Variants in SRGAP1 observed in about 807,000 individuals in gnomAD.
SRGAP1 encodes the protein SLIT-ROBO Rho GTPase-activating protein 1.
A neutral mutation model predicts 121.9 loss-of-function variants in SRGAP1; 43 were observed. The ratio of observed to expected loss-of-function variants is 0.35; its 90% CI spans 0.28 to 0.46. SRGAP1 has a LOEUF of 0.46. Among genes scored for constraint, SRGAP1 ranks in the 20% least tolerant of loss-of-function variants. The pLI is 1.00. For synonymous variants in SRGAP1, 447 were observed against 485.4 expected (o/e 0.92, Z 1.04); for missense variants, 1,102 against 1,350.9 (o/e 0.82, Z 2.89).
At chr12:63,958,969 A>T (rs1010756883) in intron 1 of SRGAP1, among the ~76,000 whole-genome samples, 8 of 152,170 alleles carry the variant, frequency 5.3e-5, no homozygotes, top group African/African-American at 1.9e-4. Context: ...TGCTCCAGGG[A>T]GGTAATACAA....
chr12:63,998,405 C>T (rs1050215430), intron 3 of SRGAP1, among the ~76,000 whole-genome samples: 19 of 152,110 alleles, frequency 1.2e-4, no homozygotes, highest in African/African-American at 4.3e-4. Flanking sequence ...CAGAGTGGGT[C>T]CTAGTAGTAA....
chr12:63,845,208 T>C (rs1898863118), intron 1 of SRGAP1, among the ~76,000 whole-genome samples: 1 of 152,212 alleles, frequency 6.6e-6, no homozygotes, highest in Non-Finnish European at 1.5e-5. Flanking sequence ...GAGGATCCTG[T>C]CCAGCTATTA....
chr12:64,145,921 T>C lies in SRGAP1; in HGVS notation c.*3249T>C, dbSNP rs1478873847. On this transcript the variant is annotated 3_prime_UTR_variant, in exon 22 of 22. Coordinates refer to ENST00000355086, the MANE Select transcript of SRGAP1 (RefSeq NM_020762.4). ...GAGCTTTTTGATGGTGGGTAAATAATGGCTCTACAAAGATTACCTGACTCC... is the reference window on the plus strand; with the variant it reads ...GAGCTTTTTGATGGTGGGTAAATAACGGCTCTACAAAGATTACCTGACTCC... The C allele has an allele frequency of 6.6e-6, 1 of 152,186 alleles. No homozygotes were observed. The highest frequency in any genetic ancestry group is 1.5e-5 in the Non-Finnish European group (1 of 68,046). The allele number at this position is 152,186 out of a possible 1,614,324, so 9.4% of individuals were successfully genotyped here. A position where few individuals can be genotyped will look rare whatever the true frequency, so the allele number is the denominator to read the frequency against.
intron 1 of SRGAP1, among the ~76,000 whole-genome samples, chr12:63,963,140 C>T (rs1337768255): frequency 6.6e-6 from 1 of 151,986 alleles, no homozygotes; most frequent in Non-Finnish European, 1.5e-5. Flanking sequence ...TGAATATGTT[C>T]AACAACAGCC....
chr12:64,079,221 A>T, intron 9 of SRGAP1, 105 bp downstream of exon 9: 1 of 1,217,220 alleles, frequency 8.2e-7, no homozygotes, highest in South Asian at 1.4e-5. Context: ...TTTTGTTAAA[A>T]TAGACTCCTG....
In SRGAP1 at chr12:64,153,837, G is replaced by A. The variant is rs188337579; in HGVS notation, c.*11165G>A. The A allele has an allele frequency of 6.6e-6, 1 of 152,348 alleles. No individual in the cohort carries two copies. Among genetic ancestry groups the A allele is most frequent in the East Asian group, 1.9e-4 (1 of 5,184 alleles). The allele number at this position is 152,348 out of a possible 1,614,324, so 9.4% of individuals were successfully genotyped here. A position where few individuals can be genotyped will look rare whatever the true frequency, so the allele number is the denominator to read the frequency against. On this transcript the variant is annotated 3_prime_UTR_variant, in exon 22 of 22. Coordinates refer to ENST00000355086, the MANE Select transcript of SRGAP1 (RefSeq NM_020762.4). ...ATCCAAAAGAATTGAAAACAGAAGA[G>A]ATATTTGCACACTCATGTTCACGCA... is the stretch of plus-strand genomic sequence containing the variant.
At chr12:64,022,542 C>CA (rs2034572708) in intron 4 of SRGAP1, among the ~76,000 whole-genome samples, 2 of 152,136 alleles carry the variant, frequency 1.3e-5, no homozygotes, top group African/African-American at 4.8e-5. Context: ...CACACACATC[C>CA]AGAATCATGT....
At chr12:63,917,876 C>G (rs2030860076) in intron 1 of SRGAP1, among the ~76,000 whole-genome samples, 2 of 150,702 alleles carry the variant, frequency 1.3e-5, no homozygotes, top group African/African-American at 4.8e-5. Context: ...TGTTGTTTAT[C>G]CTACAGAAAA....
At chr12:63,970,746 A>G (rs2032923173) in intron 1 of SRGAP1, among the ~76,000 whole-genome samples, 1 of 152,196 alleles carries the variant, frequency 6.6e-6, no homozygotes, top group Non-Finnish European at 1.5e-5. Flanking sequence ...TCCCTTATCA[A>G]AATTAACACA....
At position 64,127,936 on chromosome 12, in the gene SRGAP1, C is replaced by T; in HGVS notation, c.2616C>T (p.His872=). ...GRTSDGHCPL[H]PPHALSNSSV... is the part of the protein sequence containing the mutation. ...CCAGTGATGGCCATTGCCCGCTCCA[C>T]CCTCCACATGCCCTTTCTAACTCCT... The change falls in exon 21 of 22, where the codon CAC becomes CAT. Residue 872 remains histidine (H), a synonymous_variant. Transcript: ENST00000355086. 2 of 1,614,232 alleles carry T rather than the reference C, an allele frequency of 1.2e-6. No homozygotes were observed. Among genetic ancestry groups the T allele is most frequent in the Non-Finnish European group, 1.7e-6 (2 of 1,180,038 alleles).
intron 1 of SRGAP1, among the ~76,000 whole-genome samples, chr12:63,937,432 C>A (rs1278912938): frequency 6.6e-6 from 1 of 152,170 alleles, no homozygotes; most frequent in Non-Finnish European, 1.5e-5. Context: ...AAGAACATTT[C>A]TCTTTAGATG....
chr12:64,056,697 C>A (rs1230143273), intron 6 of SRGAP1, among the ~76,000 whole-genome samples: 2 of 152,146 alleles, frequency 1.3e-5, no homozygotes, highest in East Asian at 3.9e-4. Context: ...TGCCTACCTG[C>A]ATTTAGTGTC....
At chr12:63,930,996 T>C (rs1592955920) in intron 1 of SRGAP1, among the ~76,000 whole-genome samples, 1 of 152,218 alleles carries the variant, frequency 6.6e-6, no homozygotes, top group Non-Finnish European at 1.5e-5. Flanking sequence ...TTAATCTCTG[T>C]GCATTTGTGT....
At chr12:64,054,039 A>G (rs1263347567) in intron 6 of SRGAP1, among the ~76,000 whole-genome samples, 1 of 152,138 alleles carries the variant, frequency 6.6e-6, no homozygotes, top group Non-Finnish European at 1.5e-5. Flanking sequence ...ACACCTTCAA[A>G]ATGTATTCAG....
intron 1 of SRGAP1, among the ~76,000 whole-genome samples, chr12:63,964,868 G>A (rs563154748): frequency 2.8e-4 from 42 of 152,180 alleles, no homozygotes; most frequent in Admixed American, 7.9e-4. Flanking sequence ...AATGAAAATC[G>A]TACTACTTTG....
chr12:64,157,600 A>C lies in SRGAP1; in HGVS notation c.*14928A>C, dbSNP rs145131767. On this transcript the variant is annotated 3_prime_UTR_variant, in exon 22 of 22. Transcript: ENST00000355086. ...AATCAACATTAAGGAAAAAATGATCAGGATTCAATAAATTCTGGATAGAAA... is the reference window on the plus strand; with the variant it reads ...AATCAACATTAAGGAAAAAATGATCCGGATTCAATAAATTCTGGATAGAAA... The C allele has an allele frequency of 3.3e-5, 5 of 152,388 alleles. No individual in the cohort carries two copies. The East Asian group carries it at 9.6e-4, about 29-fold the overall frequency. 9.4% of individuals were successfully genotyped at this position (152,388 alleles called of 1,614,324 possible).
intron 1 of SRGAP1, among the ~76,000 whole-genome samples, chr12:63,963,288 CTTTT>C (rs1344384950): frequency 6.6e-6 from 1 of 152,066 alleles, no homozygotes; most frequent in Non-Finnish European, 1.5e-5. Context: ...TATTTTTCTT[CTTTT>C]TAAGTTTTTC....
chr12:63,968,573 A>G (rs2032848623), intron 1 of SRGAP1, among the ~76,000 whole-genome samples: 1 of 152,012 alleles, frequency 6.6e-6, no homozygotes, highest in African/African-American at 2.4e-5. Flanking sequence ...AGGGCATTGG[A>G]GTTTGTGACC....
chr12:63,899,859 A>C (rs534254412), intron 1 of SRGAP1, among the ~76,000 whole-genome samples: 73 of 152,364 alleles, frequency 4.8e-4, no homozygotes, highest in African/African-American at 1.7e-3. Flanking sequence ...GAAGCTATGA[A>C]GTGACTCCTT....
Sources: gnomAD v4.1 joint callset for allele counts (sites outside exome capture counted in the v4.1 genomes callset) on GRCh38, gnomAD v4.1.1 for gene constraint, MANE v1.5 for transcripts, NCBI Gene and HGNC (gene_info 2026-07-23, HGNC 2026-07-21) for gene names.